IFNAR1: variants seen among roughly 807,000 people sequenced by gnomAD.
The protein encoded by IFNAR1 is interferon alpha and beta receptor subunit 1, also known as interferon alpha/beta receptor 1.
A neutral mutation model predicts 62.1 loss-of-function variants in IFNAR1; 47 were observed. The observed-to-expected ratio is 0.76, with a 90% CI of 0.60 to 0.97. The LOEUF (loss-of-function observed/expected upper bound fraction) is 0.97. Among genes scored for constraint, IFNAR1 ranks in the 50% least tolerant of loss-of-function variants. The probability of loss-of-function intolerance (pLI) is 0.00; values close to 1 mark genes in which losing one functional copy is unlikely to be tolerated. For synonymous variants in IFNAR1, 219 were observed against 226.9 expected (o/e 0.97, Z 0.31); for missense variants, 638 against 654.5 (o/e 0.97, Z 0.27).
rs751675124 is a variant in IFNAR1, at chr21:33,325,083, A to G, written c.28A>G (p.Thr10Ala). 1.9e-5 allele frequency: 30 copies of G among 1,610,000 alleles called. No individual in the cohort carries two copies. Among genetic ancestry groups the G allele is most frequent in the Admixed American group, 8.4e-5 (5 of 59,538 alleles). The change falls in exon 1 of 11, where the codon ACC becomes GCC. Residue 10 changes from threonine (T) to alanine (A), a missense_variant. Coordinates refer to ENST00000270139, the MANE Select transcript of IFNAR1 (RefSeq NM_000629.3). ...GATGGTCGTCCTCCTGGGCGCGACG[A>G]CCCTAGTGCTCGTCGCCGTGGCGCC... MMVVLLGAT[T>A]LVLVAVAPWV... is the part of the protein sequence containing the mutation.
At chr21:33,353,820 G>A in intron 10 of IFNAR1, 37 bp downstream of exon 10, 1 of 1,384,206 alleles carries the variant, frequency 7.2e-7, no homozygotes. Flanking sequence ...CAACAGCTAG[G>A]TAATGAACAG....
At chr21:33,324,804 T>A (rs2083106947), upstream of IFNAR1, 2 of 516,072 alleles carry the variant, frequency 3.9e-6, no homozygotes, top group Non-Finnish European at 7.0e-6. Context: ...GGTGCTGCAA[T>A]TAGGATGGGG....
rs1051236289 is a variant in IFNAR1 at position 33,345,475 on chromosome 21, C to T, written c.788+115C>T. ...AGAATGACCGACTGGGAGGTGGGTACGATATATTGGAAACGTGAGAAATCT... is the reference window on the plus strand; with the variant it reads ...AGAATGACCGACTGGGAGGTGGGTATGATATATTGGAAACGTGAGAAATCT... On this transcript the variant is annotated intron_variant, in intron 6 of 10. Transcript: ENST00000270139. 7 of 680,004 alleles carry T rather than the reference C, an allele frequency of 1.0e-5. No homozygotes were observed. In the African/African-American group the frequency reaches 1.1e-4, roughly 11 times the overall value. 42.1% of individuals were successfully genotyped at this position (680,004 alleles called of 1,614,324 possible).
intron 5 of IFNAR1, among the ~76,000 whole-genome samples, chr21:33,344,633 T>C (rs2123687845): frequency 6.6e-6 from 1 of 152,234 alleles, no homozygotes; most frequent in African/African-American, 2.4e-5. Flanking sequence ...AATTACAAAA[T>C]AAAATCTTAC....
Position 33,352,769 on chromosome 21 carries a change from C to A in IFNAR1, c.1155C>A (p.Ile385=). Residue 385 remains isoleucine (I), a synonymous_variant, in exon 9 of 11, where the codon ATC becomes ATA. Coordinates refer to ENST00000270139, the MANE Select transcript of IFNAR1 (RefSeq NM_000629.3). The part of the protein sequence containing the change: ...ENTSNAERKI[I]EKKTDVTVPN... ...ATTATATTTTCTAGAGAAAAATTATCGAGAAAAAAACTGATGTTACAGTTC... is the reference window on the plus strand; with the variant it reads ...ATTATATTTTCTAGAGAAAAATTATAGAGAAAAAAACTGATGTTACAGTTC... 2 of 1,499,190 alleles carry A rather than the reference C, an allele frequency of 1.3e-6. No individual in the cohort carries two copies. Among genetic ancestry groups the A allele is most frequent in the South Asian group, 1.3e-5 (1 of 78,928 alleles). The allele number at this position is 1,499,190 out of a possible 1,614,324, so 92.9% of individuals were successfully genotyped here.
At chr21:33,326,632 G>A (rs759300097) in intron 1 of IFNAR1, among the ~76,000 whole-genome samples, 9 of 152,186 alleles carry the variant, frequency 5.9e-5, no homozygotes, top group East Asian at 5.8e-4. Context: ...GTAGCCCTTC[G>A]CAGATGGCTG....
intron 6 of IFNAR1, among the ~76,000 whole-genome samples, chr21:33,347,943 T>C (rs1057069958): frequency 2.0e-5 from 3 of 152,122 alleles, no homozygotes; most frequent in African/African-American, 7.2e-5. Context: ...CTGTAGGCTT[T>C]TGGGGATTTT....
intron 5 of IFNAR1, 28 bp from the exon 6 acceptor site, chr21:33,345,217 CT>C (rs762627295): frequency 3.6e-5 from 40 of 1,110,022 alleles, no homozygotes; most frequent in Non-Finnish European, 5.2e-5. Flanking sequence ...AAAATGTGTG[CT>C]TTTTTTTATC....
At position 33,358,391 on chromosome 21, in the gene IFNAR1, A is replaced by G. The variant is rs946457997; in HGVS notation, c.*2842A>G. On this transcript the variant is annotated 3_prime_UTR_variant, in exon 11 of 11. Coordinates refer to ENST00000270139, the MANE Select transcript of IFNAR1 (RefSeq NM_000629.3). ...ATTAGCATATTGATAGTTCTTAGAG[A>G]GACCAGATATAATCTAAGAATTTAT... 1 of 96,270 alleles carries G rather than the reference A, an allele frequency of 1.0e-5. No homozygotes were observed. Among genetic ancestry groups the G allele is most frequent in the African/African-American group, 4.0e-5 (1 of 24,748 alleles). The allele number at this position is 96,270 out of a possible 1,614,324, so 6.0% of individuals were successfully genotyped here.
At position 33,352,906 on chromosome 21, in the gene IFNAR1, C is replaced by T. The variant is rs2083413006; in HGVS notation, c.1292C>T (p.Pro431Leu). 6.4e-7 allele frequency: 1 copy of T among 1,571,910 alleles called. No homozygotes were observed. Among genetic ancestry groups the T allele is most frequent in the Non-Finnish European group, 8.7e-7 (1 of 1,154,150 alleles). Residue 431 changes from proline to leucine, a missense_variant and splice_region_variant, in exon 9 of 11, where the codon CCA (proline) becomes CTA (leucine). Transcript: ENST00000270139. The stretch of plus-strand genomic sequence containing the variant: ...GACGCTGTATGTGAGAAAACAAAAC[C>T]AGGTCAGAATCTTTTATTGTCTTTT... ...FSDAVCEKTK[P>L]GNTSKIWLIV...
intron 10 of IFNAR1, 76 bp downstream of exon 10, chr21:33,353,859 T>C (rs1195188215): frequency 1.0e-6 from 1 of 989,838 alleles, no homozygotes; most frequent in East Asian, 2.7e-5. Flanking sequence ...ACAGGATATA[T>C]GTAGGTTTTC....
intron 9 of IFNAR1, among the ~76,000 whole-genome samples, chr21:33,353,335 A>G (rs1480815691): frequency 6.6e-6 from 1 of 152,154 alleles, no homozygotes; most frequent in Non-Finnish European, 1.5e-5. Flanking sequence ...GTCACAGAAT[A>G]TCTATTAAAT....
At position 33,357,310 on chromosome 21, in the gene IFNAR1, G is replaced by A. The variant is rs929938294; in HGVS notation, c.*1761G>A. On this transcript the variant is annotated 3_prime_UTR_variant, in exon 11 of 11. Coordinates refer to ENST00000270139, the MANE Select transcript of IFNAR1 (RefSeq NM_000629.3). The stretch of plus-strand genomic sequence containing the variant: ...CTGGTGGAAGAAAAGGTTGAAGGCA[G>A]CTGCCCTCGGGAGGGCTGTGATGCT... 7 of 152,262 alleles carry A rather than the reference G, an allele frequency of 4.6e-5. No homozygotes were observed. Among genetic ancestry groups the A allele is most frequent in the Admixed American group, 4.6e-4 (7 of 15,288 alleles). 9.4% of individuals were successfully genotyped at this position (152,262 alleles called of 1,614,324 possible).
chr21:33,330,367 C>G (rs1004604559), intron 1 of IFNAR1, among the ~76,000 whole-genome samples: 1 of 152,144 alleles, frequency 6.6e-6, no homozygotes, highest in Non-Finnish European at 1.5e-5. Context: ...TTCTCTTTCA[C>G]TTTTGGGAGC....
At position 33,333,420 on chromosome 21, in the gene IFNAR1, C is replaced by T. The variant is rs17875875; in HGVS notation, c.77-2104C>T. ...ATAAAACTCTCTGATAGAGCAGATA[C>T]ACAAAGGAGAAAGAGAAAAGAATTA... On this transcript the variant is annotated intron_variant, in intron 1 of 10. Coordinates refer to ENST00000270139, the MANE Select transcript of IFNAR1 (RefSeq NM_000629.3). Among the ~76,000 whole-genome samples the T allele has an allele frequency of 4.6e-3, 696 of 152,088 alleles. 6 individuals carry two copies. The highest frequency in any genetic ancestry group is 0.012 in the African/African-American group (514 of 41,464).
chr21:33,351,598 G>T (rs532334312), intron 8 of IFNAR1, among the ~76,000 whole-genome samples: 20 of 149,414 alleles, frequency 1.3e-4, no homozygotes, highest in Non-Finnish European at 2.4e-4. Flanking sequence ...TCCCAGGCTG[G>T]AGTGCACTCA....
intron 2 of IFNAR1, among the ~76,000 whole-genome samples, chr21:33,338,449 G>A (rs976211958): frequency 5.4e-5 from 8 of 149,028 alleles, no homozygotes; most frequent in Non-Finnish European, 1.2e-4. Context: ...CAGGAGAATC[G>A]CTTGAACCCA....
chr21:33,350,803 T>TA (rs2083390891), intron 8 of IFNAR1, among the ~76,000 whole-genome samples: 1 of 152,204 alleles, frequency 6.6e-6, no homozygotes, highest in African/African-American at 2.4e-5. Context: ...CATTGAGAAT[T>TA]ATGGTCGGTT....
At chr21:33,355,277 A>G (rs2083436049) in intron 10 of IFNAR1, 39 bp from the exon 11 acceptor site, 2 of 994,956 alleles carry the variant, frequency 2.0e-6, no homozygotes, top group Non-Finnish European at 3.0e-6. Context: ...TTATTATTTT[A>G]AATAATTGAT....
Sources: gnomAD v4.1 joint callset for allele counts (sites outside exome capture counted in the v4.1 genomes callset) on GRCh38, gnomAD v4.1.1 for gene constraint, MANE v1.5 for transcripts, NCBI Gene and HGNC (gene_info 2026-07-23, HGNC 2026-07-21) for gene names.